The following RALYL variants were observed in gnomAD, a reference collection of about 807,000 sequenced individuals.
The protein encoded by RALYL is RNA-binding Raly-like protein.
Under a neutral mutation model 35.1 loss-of-function variants are expected in RALYL, and 29 were observed. That is an observed-to-expected ratio of 0.83 (90% confidence interval 0.61 to 1.13). The LOEUF (loss-of-function observed/expected upper bound fraction) is 1.13, where lower values mean the gene tolerates loss of function less well. Ranked by LOEUF, RALYL falls within the 50% of genes most tolerant of loss-of-function variation. The pLI is 0.00. For missense variants in RALYL, 359 were observed against 360.4 expected (o/e 1.00, Z 0.03); for synonymous variants, 120 against 127.6 (o/e 0.94, Z 0.40).
chr8:84,382,332 A>G (rs1177182257), intron 1 of RALYL, among the ~76,000 whole-genome samples: 1 of 151,154 alleles, frequency 6.6e-6, no homozygotes. Flanking sequence ...GTTATTTTTT[A>G]TGGTTTAACA....
At chr8:84,632,538 AT>A (rs1824137927) in intron 2 of RALYL, among the ~76,000 whole-genome samples, 1 of 151,978 alleles carries the variant, frequency 6.6e-6, no homozygotes, top group South Asian at 2.1e-4. Context: ...CTACAAAAAA[AT>A]AACAGTTGTC....
intron 1 of RALYL, among the ~76,000 whole-genome samples, chr8:84,473,895 A>T (rs2053089747): frequency 6.6e-6 from 1 of 152,028 alleles, no homozygotes; most frequent in South Asian, 2.1e-4. Flanking sequence ...CTATACATAC[A>T]ATTATCACTT....
chr8:84,584,382 A>T (rs1036880541), intron 2 of RALYL, among the ~76,000 whole-genome samples: 2 of 152,080 alleles, frequency 1.3e-5, no homozygotes, highest in African/African-American at 4.8e-5. Context: ...AGGCAAGTGG[A>T]TCACGTGGTC....
chr8:84,548,043 A>G (rs2060479500), intron 2 of RALYL, among the ~76,000 whole-genome samples: 1 of 151,966 alleles, frequency 6.6e-6, no homozygotes, highest in South Asian at 2.1e-4. Flanking sequence ...CCCTTAGTAT[A>G]TATTTTCAAA....
At chr8:84,810,121 G>A (rs185958483) in intron 4 of RALYL, among the ~76,000 whole-genome samples, 161 of 152,114 alleles carry the variant, frequency 1.1e-3, no homozygotes, top group Non-Finnish European at 2.1e-3. Flanking sequence ...TAGGCATTTA[G>A]GGCTATGAAC....
At chr8:84,359,837 T>C (rs1852589269) in intron 1 of RALYL, among the ~76,000 whole-genome samples, 1 of 152,070 alleles carries the variant, frequency 6.6e-6, no homozygotes, top group African/African-American at 2.4e-5. Flanking sequence ...CATGGCTTTT[T>C]ATATTTAAAT....
intron 1 of RALYL, among the ~76,000 whole-genome samples, chr8:84,424,115 A>T (rs1410234390): frequency 1.3e-5 from 2 of 151,830 alleles, no homozygotes; most frequent in African/African-American, 4.8e-5. Flanking sequence ...AGATTGGGGA[A>T]GTTCTCCTGG....
chr8:84,698,998 G>A (rs984189141), intron 2 of RALYL, among the ~76,000 whole-genome samples: 2 of 133,224 alleles, frequency 1.5e-5, no homozygotes, highest in African/African-American at 2.8e-5. Context: ...TTTAAGATAG[G>A]TAGGTACATA....
chr8:84,273,687 G>A (rs190126231), intron 1 of RALYL, among the ~76,000 whole-genome samples: 26 of 152,276 alleles, frequency 1.7e-4, no homozygotes, highest in African/African-American at 4.8e-4. Flanking sequence ...GTGAAAATAC[G>A]TAGTTCCTAC....
chr8:84,365,633 T>C (rs1854078217), intron 1 of RALYL, among the ~76,000 whole-genome samples: 1 of 152,146 alleles, frequency 6.6e-6, no homozygotes, highest in Non-Finnish European at 1.5e-5. Flanking sequence ...GTGAGTTACT[T>C]AGAATGGAAG....
At chr8:84,839,815 T>A (rs1434513902) in intron 4 of RALYL, among the ~76,000 whole-genome samples, 1 of 152,156 alleles carries the variant, frequency 6.6e-6, no homozygotes, top group African/African-American at 2.4e-5. Context: ...CTCACCAATA[T>A]CTGCTGTTCT....
At chr8:84,307,683 G>A (rs1842081393) in intron 1 of RALYL, among the ~76,000 whole-genome samples, 1 of 152,086 alleles carries the variant, frequency 6.6e-6, no homozygotes, top group South Asian at 2.1e-4. Flanking sequence ...AAGGAGCAGG[G>A]GCGAATGGGG....
Position 84,550,197 on chromosome 8 carries a change from G to A in RALYL, c.256+20620G>A, listed in dbSNP as rs1385891638. On this transcript the variant is annotated intron_variant, in intron 2 of 8. Coordinates refer to ENST00000521268, the MANE Select transcript of RALYL (RefSeq NM_173848.7). ...TTCTCTCAATTTTGTGTTAATCTGGGTCTCTCTCTCTCTCTCTATCCTTCT... is the reference window on the plus strand; with the variant it reads ...TTCTCTCAATTTTGTGTTAATCTGGATCTCTCTCTCTCTCTCTATCCTTCT... Among the ~76,000 whole-genome samples the A allele has an allele frequency of 2.0e-5, 3 of 148,976 alleles. No individual in the cohort carries two copies. The Admixed American group carries it at 2.0e-4, about 10-fold the overall frequency.
chr8:84,315,818 GA>G (rs59056772), intron 1 of RALYL, among the ~76,000 whole-genome samples: 5,795 of 134,702 alleles, frequency 0.043, 115 homozygotes, highest in Middle Eastern at 0.056. Context: ...CCCACTGCCT[GA>G]AAAAAAAAAA....
chr8:84,453,514 G>A (rs1376953082), intron 1 of RALYL, among the ~76,000 whole-genome samples: 1 of 151,918 alleles, frequency 6.6e-6, no homozygotes, highest in Non-Finnish European at 1.5e-5. Context: ...GGTCCACAGA[G>A]TTTAATATCT....
At position 84,873,266 on chromosome 8, in the gene RALYL, CT is replaced by C; in HGVS notation, c.572-16del. ...CATTTGATGCTCTGTTGTTTTCTTC[CT>C]TCTTTCTACTTTCCAGTGAAATCAG... is the stretch of plus-strand genomic sequence containing the variant. On this transcript the variant is annotated splice_polypyrimidine_tract_variant and intron_variant, in intron 6 of 8. Transcript: ENST00000521268. 1 of 1,416,632 alleles carries C rather than the reference CT, an allele frequency of 7.1e-7. No homozygotes were observed. The highest frequency in any genetic ancestry group is 9.8e-7 in the Non-Finnish European group (1 of 1,021,300). 87.8% of individuals were successfully genotyped at this position (1,416,632 alleles called of 1,614,324 possible). A position where few individuals can be genotyped will look rare whatever the true frequency, so the allele number is the denominator to read the frequency against.
chr8:84,728,495 A>C (rs1381394076), intron 2 of RALYL, among the ~76,000 whole-genome samples: 5 of 151,224 alleles, frequency 3.3e-5, no homozygotes, highest in Admixed American at 6.6e-5. Flanking sequence ...CCCATTTGTC[A>C]ATTTTGTCTT....
chr8:84,618,952 TGA>T (rs1374655833), intron 2 of RALYL, among the ~76,000 whole-genome samples: 24 of 135,136 alleles, frequency 1.8e-4, no homozygotes, highest in Non-Finnish European at 2.5e-4. Context: ...CACTGTGGTC[TGA>T]GAGATAGTTT....
intron 1 of RALYL, among the ~76,000 whole-genome samples, chr8:84,359,818 C>G (rs1370512983): frequency 6.6e-6 from 1 of 151,940 alleles, no homozygotes; most frequent in Non-Finnish European, 1.5e-5. Flanking sequence ...TCAATAGCCA[C>G]TAGCCACACA....
Sources: allele counts gnomAD v4.1 joint callset (sites outside exome capture counted in the v4.1 genomes callset), GRCh38; gene constraint gnomAD v4.1.1; transcripts MANE v1.5; gene names NCBI Gene and HGNC (gene_info 2026-07-23, HGNC 2026-07-21).